Variants in MECOM observed in about 807,000 individuals in gnomAD.
MECOM encodes MDS1 and EVI1 complex locus.
MECOM carries 13 observed loss-of-function variants against 116.3 expected under a neutral mutation model. That is an observed-to-expected ratio of 0.11 (90% CI 0.07 to 0.18). MECOM has a LOEUF of 0.18. Ranked by LOEUF, MECOM falls within the 10% of genes least tolerant of loss-of-function variation. The probability of loss-of-function intolerance (pLI) is 1.00; values close to 1 mark genes in which losing one functional copy is unlikely to be tolerated. For synonymous variants in MECOM, 528 were observed against 535.2 expected (o/e 0.99, Z 0.19); for missense variants, 1,299 against 1,509.0 (o/e 0.86, Z 2.31).
intron 1 of MECOM, among the ~76,000 whole-genome samples, chr3:169,654,450 A>G (rs1338254828): frequency 6.6e-6 from 1 of 152,176 alleles, no homozygotes; most frequent in Non-Finnish European, 1.5e-5. Flanking sequence ...TTCCTCAGTT[A>G]CAGATGTACA....
At chr3:169,602,523 A>G (rs1767955307) in intron 1 of MECOM, among the ~76,000 whole-genome samples, 1 of 152,166 alleles carries the variant, frequency 6.6e-6, no homozygotes, top group Non-Finnish European at 1.5e-5. Context: ...TCCTGATTGT[A>G]GGATGTTTAA....
rs1255613781 is a variant in MECOM at position 169,594,174 on chromosome 3, A to AAAAAAAAAAC, written c.37+69161_37+69162insGTTTTTTTTT. Reference sequence around the variant, plus strand: ...CACCACAAAAAAAAAAAAAAAAAAAAAACACCTTTTCACCTAAGTACCTCA... The same window carrying AAAAAAAAAAC: ...CACCACAAAAAAAAAAAAAAAAAAAAAAAAAAAAACAACACCTTTTCACCTAAGTACCTCA... On this transcript the variant is annotated intron_variant, in intron 1 of 16. Transcript: ENST00000651503. Among the ~76,000 whole-genome samples the AAAAAAAAAAC allele has an allele frequency of 9.3e-4, 117 of 125,892 alleles. 1 individual carries two copies. The highest frequency in any genetic ancestry group is 3.4e-3 in the African/African-American group (105 of 31,038). The allele number at this position is 125,892 out of a possible 152,430, so 82.6% of individuals were successfully genotyped here.
In MECOM at chr3:169,653,939, G is replaced by A. The variant is rs139865384; in HGVS notation, c.37+9397C>T. Among the ~76,000 whole-genome samples, 71 of 152,216 alleles carry A rather than the reference G, an allele frequency of 4.7e-4. 4 individuals are homozygous for A. The East Asian group carries it at 0.013, about 29-fold the overall frequency. On this transcript the variant is annotated intron_variant, in intron 1 of 16. Transcript: ENST00000651503. The stretch of plus-strand genomic sequence containing the variant: ...CACATTCTTCTGGCACAAAAGTAGA[G>A]CCCCTCAACAGCCAAGCTAAGGAAT...
At chr3:169,423,347 A>C (rs899741470) in intron 1 of MECOM, among the ~76,000 whole-genome samples, 4 of 144,026 alleles carry the variant, frequency 2.8e-5, no homozygotes, top group Non-Finnish European at 6.0e-5. Flanking sequence ...GTTTCAAGGA[A>C]GGCAGGGGTT....
intron 1 of MECOM, among the ~76,000 whole-genome samples, chr3:169,545,895 T>C (rs536070979): frequency 1.3e-5 from 2 of 151,110 alleles, no homozygotes; most frequent in South Asian, 2.1e-4. Flanking sequence ...TCCCAATCTC[T>C]TTTTTTTTCT....
chr3:169,569,973 G>T (rs1383888654), intron 1 of MECOM, among the ~76,000 whole-genome samples: 1 of 152,056 alleles, frequency 6.6e-6, no homozygotes, highest in African/African-American at 2.4e-5. Context: ...ACTAACAGAA[G>T]AAATAACTAA....
At chr3:169,430,566 T>C (rs1741450345) in intron 1 of MECOM, among the ~76,000 whole-genome samples, 1 of 152,192 alleles carries the variant, frequency 6.6e-6, no homozygotes, top group South Asian at 2.1e-4. Flanking sequence ...CTTTGTATAA[T>C]TGCACTGGAT....
intron 2 of MECOM, among the ~76,000 whole-genome samples, chr3:169,219,606 A>G (rs1160846610): frequency 6.6e-6 from 1 of 152,194 alleles, no homozygotes; most frequent in African/African-American, 2.4e-5. Context: ...TCAGGATGCT[A>G]TATATACACC....
At chr3:169,086,150 G>A (rs1055648385) in intron 16 of MECOM, among the ~76,000 whole-genome samples, 2 of 152,088 alleles carry the variant, frequency 1.3e-5, no homozygotes, top group East Asian at 1.9e-4. Context: ...CTGGGTCATC[G>A]CTCTAAATGT....
intron 1 of MECOM, among the ~76,000 whole-genome samples, chr3:169,562,247 T>G (rs1762747854): frequency 6.6e-6 from 1 of 151,456 alleles, no homozygotes; most frequent in Non-Finnish European, 1.5e-5. Context: ...AAAATTCTCT[T>G]GCAAGGGTCC....
At chr3:169,477,105 G>GTATA (rs1166256593) in intron 1 of MECOM, 1,033 of 59,056 alleles carry the variant, frequency 0.017, 20 homozygotes, top group Non-Finnish European at 0.025. Flanking sequence ...GTGTGTGTGT[G>GTATA]TATATATATA....
At chr3:169,290,574 C>T (rs1244775457) in intron 2 of MECOM, among the ~76,000 whole-genome samples, 1 of 152,066 alleles carries the variant, frequency 6.6e-6, no homozygotes, top group Non-Finnish European at 1.5e-5. Context: ...CAGCCACATA[C>T]ACAGATTTTA....
At chr3:169,302,788 C>T (rs1034739027) in intron 2 of MECOM, among the ~76,000 whole-genome samples, 1 of 151,524 alleles carries the variant, frequency 6.6e-6, no homozygotes, top group Admixed American at 6.6e-5. Flanking sequence ...CAGTTGAACC[C>T]AGGAGACAGA....
chr3:169,248,155 T>G (rs1755823224), intron 2 of MECOM, among the ~76,000 whole-genome samples: 1 of 152,192 alleles, frequency 6.6e-6, no homozygotes. Flanking sequence ...ATTCTAAACT[T>G]GACAATATTA....
At chr3:169,158,634 C>T (rs192439171) in intron 2 of MECOM, among the ~76,000 whole-genome samples, 499 of 152,208 alleles carry the variant, frequency 3.3e-3, no homozygotes, top group Non-Finnish European at 5.2e-3. Flanking sequence ...GGTGCTCGGC[C>T]GAAGCCACGG....
chr3:169,299,265 A>G (rs112237663), intron 2 of MECOM, among the ~76,000 whole-genome samples: 3 of 152,196 alleles, frequency 2.0e-5, no homozygotes, highest in African/African-American at 7.2e-5. Context: ...CTCTCCCAGC[A>G]TGAAGACTGT....
chr3:169,275,176 A>G (rs1332846175), intron 2 of MECOM, among the ~76,000 whole-genome samples: 2 of 152,180 alleles, frequency 1.3e-5, no homozygotes, highest in Admixed American at 6.5e-5. Context: ...AATGCTTACC[A>G]TAGGACCTGC....
chr3:169,598,297 C>T lies in MECOM; in HGVS notation c.37+65039G>A, dbSNP rs184568321. ...GCCAATTTTAAATTAGCATTAGATG[C>T]AATTTTATCTTAAAATGGCATCTTC... On this transcript the variant is annotated intron_variant, in intron 1 of 16. Coordinates refer to ENST00000651503, the MANE Select transcript of MECOM (RefSeq NM_004991.4). 1.3e-4 allele frequency among the ~76,000 whole-genome samples: 20 copies of T among 152,274 alleles called. No homozygotes were observed. The East Asian group carries it at 3.5e-3, about 26-fold the overall frequency.
intron 1 of MECOM, among the ~76,000 whole-genome samples, chr3:169,572,359 G>A (rs1245248960): frequency 2.6e-5 from 4 of 152,340 alleles, no homozygotes; most frequent in Admixed American, 6.5e-5. Flanking sequence ...TGGAGAGGAT[G>A]TGGAGAAATA....
Sources: allele counts gnomAD v4.1 joint callset (sites outside exome capture counted in the v4.1 genomes callset), GRCh38; gene constraint gnomAD v4.1.1; transcripts MANE v1.5; gene names NCBI Gene and HGNC (gene_info 2026-07-23, HGNC 2026-07-21).